Variants in TMEM117 observed in about 807,000 individuals in gnomAD.
TMEM117 encodes the protein transmembrane protein 117.
TMEM117 carries 27 observed loss-of-function variants against 52.4 expected under a neutral mutation model. That is an observed-to-expected ratio of 0.51 (90% CI 0.38 to 0.71). The LOEUF (loss-of-function observed/expected upper bound fraction) is 0.71. Among genes scored for constraint, TMEM117 ranks in the 30% least tolerant of loss-of-function variants. The pLI is 0.00. For missense variants in TMEM117, 556 were observed against 630.5 expected (o/e 0.88, Z 1.26); for synonymous variants, 215 against 206.3 (o/e 1.04, Z -0.36).
chr12:43,889,295 C>G (rs1201762390), intron 2 of TMEM117, among the ~76,000 whole-genome samples: 2 of 152,148 alleles, frequency 1.3e-5, no homozygotes, highest in Non-Finnish European at 2.9e-5. Context: ...GTTGGCCAGG[C>G]AGGTCTTGAA....
At chr12:44,160,226 A>G (rs1948880470) in intron 4 of TMEM117, among the ~76,000 whole-genome samples, 1 of 152,142 alleles carries the variant, frequency 6.6e-6, no homozygotes, top group African/African-American at 2.4e-5. Context: ...TGTTATATTG[A>G]GCATCTAAAT....
At chr12:44,327,677 C>CT (rs375760883) in intron 6 of TMEM117, among the ~76,000 whole-genome samples, 2 of 151,778 alleles carry the variant, frequency 1.3e-5, no homozygotes, top group African/African-American at 4.8e-5. Context: ...ACTTCCATGA[C>CT]TTTTTTTTTC....
chr12:44,100,212 A>G (rs1012104112), intron 3 of TMEM117, among the ~76,000 whole-genome samples: 1 of 152,014 alleles, frequency 6.6e-6, no homozygotes, highest in African/African-American at 2.4e-5. Context: ...TTTATGCCCC[A>G]TAAACGTGCC....
chr12:43,821,302 G>C, the TMEM117 span, among the ~76,000 whole-genome samples: 2 of 152,048 alleles, frequency 1.3e-5, no homozygotes, highest in Non-Finnish European at 2.9e-5. Flanking sequence ...GATGAACCTT[G>C]GGTGCCCACA....
intron 4 of TMEM117, among the ~76,000 whole-genome samples, chr12:44,185,908 A>T (rs1000446732): frequency 6.8e-6 from 1 of 147,152 alleles, no homozygotes; most frequent in African/African-American, 2.6e-5. Context: ...ACACACACAC[A>T]CACACACGTG....
chr12:44,132,400 A>G (rs928556003), intron 3 of TMEM117, among the ~76,000 whole-genome samples: 1 of 152,024 alleles, frequency 6.6e-6, no homozygotes, highest in Non-Finnish European at 1.5e-5. Flanking sequence ...TCCAGGTTTC[A>G]TTGCATCAGG....
At chr12:44,223,330 G>A (rs970126206) in intron 5 of TMEM117, among the ~76,000 whole-genome samples, 20 of 151,294 alleles carry the variant, frequency 1.3e-4, no homozygotes, top group African/African-American at 4.9e-4. Context: ...TTTACACGAA[G>A]TTCTCCTTTT....
At chr12:44,132,272 C>T (rs530833710) in intron 3 of TMEM117, among the ~76,000 whole-genome samples, 120 of 150,326 alleles carry the variant, frequency 8.0e-4, no homozygotes, top group Admixed American at 2.1e-3. Context: ...TGTGTATGTA[C>T]GCACACACAC....
chr12:44,111,468 A>G (rs1262574473), intron 3 of TMEM117, among the ~76,000 whole-genome samples: 1 of 45,160 alleles, frequency 2.2e-5, no homozygotes, highest in African/African-American at 1.7e-4. Context: ...TTATGTACCC[A>G]GTAGTCATTC....
chr12:43,995,257 A>C (rs1435351413), intron 3 of TMEM117, among the ~76,000 whole-genome samples: 1 of 124,398 alleles, frequency 8.0e-6, no homozygotes, highest in African/African-American at 3.4e-5. Context: ...GCTCTGTCTT[A>C]AAAAAAAAAA....
chr12:43,939,004 T>TAA lies in TMEM117; in HGVS notation c.278-5196_278-5195dup, dbSNP rs145819098. 2.7e-4 allele frequency among the ~76,000 whole-genome samples: 37 copies of TAA among 135,322 alleles called. 1 individual carries two copies. Among genetic ancestry groups the TAA allele is most frequent in the African/African-American group, 9.6e-4 (36 of 37,446 alleles). 88.8% of individuals were successfully genotyped at this position (135,322 alleles called of 152,430 possible). ...GACAGAGTGAGACTCCGTCTCAAAA[T>TAA]AAAAAAAAAAATAAAAAATAAAAAA... is the stretch of plus-strand genomic sequence containing the variant. On this transcript the variant is annotated intron_variant, in intron 2 of 7. Coordinates refer to ENST00000266534, the MANE Select transcript of TMEM117 (RefSeq NM_032256.3).
rs377616264 is a variant in TMEM117, at chr12:43,952,922, C to T, written c.410+8580C>T. On this transcript the variant is annotated intron_variant, in intron 3 of 7. Transcript: ENST00000266534. ...AAGCCAGGTCACCAACAAAGGGAAG[C>T]CCATCAGACTAACAGCAGACCCCTA... is the stretch of plus-strand genomic sequence containing the variant. Among the ~76,000 whole-genome samples, 25 of 152,194 alleles carry T rather than the reference C, an allele frequency of 1.6e-4. No homozygotes were observed. In the East Asian group the frequency reaches 4.8e-3, roughly 29 times the overall value.
intron 3 of TMEM117, among the ~76,000 whole-genome samples, chr12:44,127,883 T>C (rs961463907): frequency 2.6e-5 from 4 of 152,140 alleles, no homozygotes; most frequent in African/African-American, 9.7e-5. Context: ...CTGAAATAAA[T>C]CTCTATTTAT....
intron 2 of TMEM117, among the ~76,000 whole-genome samples, chr12:43,848,682 T>C (rs570912992): frequency 2.6e-4 from 39 of 152,324 alleles, no homozygotes; most frequent in Admixed American, 1.6e-3. Flanking sequence ...GTTAACGCAA[T>C]GATCACAGTG....
the TMEM117 span, among the ~76,000 whole-genome samples, chr12:43,822,597 T>C: frequency 6.6e-6 from 1 of 152,116 alleles, no homozygotes; most frequent in African/African-American, 2.4e-5. Flanking sequence ...ATTCCTCAGT[T>C]TCTATATGGT....
intron 3 of TMEM117, among the ~76,000 whole-genome samples, chr12:44,012,897 T>C (rs1022761136): frequency 1.3e-5 from 2 of 152,184 alleles, no homozygotes; most frequent in Non-Finnish European, 2.9e-5. Flanking sequence ...GAGGACATGA[T>C]GTACTGGGTA....
chr12:44,055,752 A>G (rs1947044698), intron 3 of TMEM117, among the ~76,000 whole-genome samples: 1 of 152,200 alleles, frequency 6.6e-6, no homozygotes, highest in Non-Finnish European at 1.5e-5. Context: ...TGTATTGTGA[A>G]TAAGATATAC....
At chr12:43,958,181 T>G (rs1945339409) in intron 3 of TMEM117, among the ~76,000 whole-genome samples, 1 of 152,224 alleles carries the variant, frequency 6.6e-6, no homozygotes, top group Non-Finnish European at 1.5e-5. Context: ...CATAGATACT[T>G]ATATGCTTGC....
chr12:44,160,124 A>G (rs1948878749), intron 4 of TMEM117, among the ~76,000 whole-genome samples: 1 of 152,126 alleles, frequency 6.6e-6, no homozygotes, highest in Non-Finnish European at 1.5e-5. Context: ...AAAAATAAGT[A>G]CCGAGAATGT....
Sources: gnomAD v4.1 joint callset for allele counts (sites outside exome capture counted in the v4.1 genomes callset) on GRCh38, gnomAD v4.1.1 for gene constraint, MANE v1.5 for transcripts, NCBI Gene and HGNC (gene_info 2026-07-23, HGNC 2026-07-21) for gene names.